The following MACROD2 variants were observed in gnomAD, a reference collection of about 807,000 sequenced individuals.
MACROD2 encodes the protein mono-ADP ribosylhydrolase 2.
In MACROD2, 36 loss-of-function variants were observed where a neutral mutation model predicts 70.4. That is an observed-to-expected ratio of 0.51 (90% CI 0.39 to 0.68). MACROD2 has a LOEUF of 0.68. Ranked by LOEUF, MACROD2 falls within the 30% of genes least tolerant of loss-of-function variation. MACROD2 has a pLI of 0.00. For missense variants in MACROD2, 496 were observed against 538.4 expected (o/e 0.92, Z 0.78); for synonymous variants, 172 against 178.8 (o/e 0.96, Z 0.30).
At chr20:14,137,242 G>C (rs2054810856) in intron 3 of MACROD2, among the ~76,000 whole-genome samples, 1 of 152,124 alleles carries the variant, frequency 6.6e-6, no homozygotes, top group Admixed American at 6.5e-5. Context: ...ATGTTTTGTA[G>C]GTTATATGTA....
intron 3 of MACROD2, among the ~76,000 whole-genome samples, chr20:14,263,726 C>A (rs1287350194): frequency 6.6e-6 from 1 of 151,846 alleles, no homozygotes; most frequent in Non-Finnish European, 1.5e-5. Flanking sequence ...TTTGGGAGGC[C>A]AAGGTGAGTG....
intron 6 of MACROD2, among the ~76,000 whole-genome samples, chr20:15,341,777 A>C (rs1194745036): frequency 6.6e-6 from 1 of 152,212 alleles, no homozygotes; most frequent in African/African-American, 2.4e-5. Flanking sequence ...AAGACTATGC[A>C]TGGTGGCTCA....
intron 4 of MACROD2, among the ~76,000 whole-genome samples, chr20:14,581,083 G>T (rs769439038): frequency 2.0e-5 from 3 of 152,102 alleles, no homozygotes; most frequent in Admixed American, 6.5e-5. Flanking sequence ...GACTCTTTTT[G>T]AAATCTAAAA....
Position 15,167,928 on chromosome 20 carries a change from G to A in MACROD2, c.419-62012G>A, listed in dbSNP as rs551366983. Among the ~76,000 whole-genome samples the A allele has an allele frequency of 6.6e-5, 10 of 152,252 alleles. No individual in the cohort carries two copies. The East Asian group carries it at 1.9e-3, about 29-fold the overall frequency. On this transcript the variant is annotated intron_variant, in intron 5 of 17. Coordinates refer to ENST00000684519, the MANE Select transcript of MACROD2 (RefSeq NM_001351661.2). ...GAGACCACAAAATCTGGAAAAATAA[G>A]CACTGGCAGAATGTATGTGGAATAT...
intron 8 of MACROD2, 66 bp downstream of exon 8, chr20:15,499,913 A>G: frequency 6.8e-7 from 1 of 1,464,714 alleles, no homozygotes. Context: ...TTCCCCCCAA[A>G]AAAGCACATA....
intron 16 of MACROD2, among the ~76,000 whole-genome samples, chr20:16,044,038 G>A (rs2067343874): frequency 6.6e-6 from 1 of 152,006 alleles, no homozygotes; most frequent in South Asian, 2.1e-4. Flanking sequence ...AAATACCCAA[G>A]ACTGGATAAT....
chr20:15,082,435 A>G (rs143653817), intron 5 of MACROD2, among the ~76,000 whole-genome samples: 8 of 152,074 alleles, frequency 5.3e-5, no homozygotes, highest in African/African-American at 1.4e-4. Context: ...TCCTAACTCA[A>G]TAACTTCTTA....
intron 2 of MACROD2, among the ~76,000 whole-genome samples, chr20:14,020,070 G>A (rs1334772186): frequency 1.3e-5 from 2 of 152,168 alleles, no homozygotes; most frequent in South Asian, 2.1e-4. Context: ...TTAAACTAGA[G>A]GTAAATTTGG....
At chr20:14,010,236 A>G (rs948445043) in intron 2 of MACROD2, among the ~76,000 whole-genome samples, 66 of 152,328 alleles carry the variant, frequency 4.3e-4, no homozygotes, top group Middle Eastern at 3.4e-3. Flanking sequence ...GAAGCTAGAG[A>G]AAAAGTGCTA....
chr20:15,561,747 T>G (rs1474040776), intron 8 of MACROD2, among the ~76,000 whole-genome samples: 1 of 152,158 alleles, frequency 6.6e-6, no homozygotes, highest in Non-Finnish European at 1.5e-5. Flanking sequence ...CAAGCTATAC[T>G]GGGGTGAAAA....
Position 14,802,012 on chromosome 20 carries a change from C to T in MACROD2, c.418+117053C>T, listed in dbSNP as rs144429814. ...ACTTCAACATAATTAATTCTAGAAA[C>T]ATCAGGAACATAGCAGAATTTAATT... On this transcript the variant is annotated intron_variant, in intron 5 of 17. Coordinates refer to ENST00000684519, the MANE Select transcript of MACROD2 (RefSeq NM_001351661.2). 2.7e-3 allele frequency among the ~76,000 whole-genome samples: 415 copies of T among 152,114 alleles called. 4 individuals carry two copies. Among genetic ancestry groups the T allele is most frequent in the African/African-American group, 8.6e-3 (355 of 41,456 alleles).
In MACROD2 at chr20:13,995,697, A is replaced by AACC; in HGVS notation, c.-67_-66insACC. On this transcript the variant is annotated 5_prime_UTR_variant, in exon 1 of 18. Transcript: ENST00000684519. The surrounding 1 kb of genome is among the most constrained non-coding windows in gnomAD (Gnocchi z 4.3). ...TGCCCCCTCCCACCCCTCCCACTCC[A>AACC]CACACACCCTGTTTGCCCGTGAGCC... 3.2e-6 allele frequency: 3 copies of AACC among 939,456 alleles called. No homozygotes were observed. Among genetic ancestry groups the AACC allele is most frequent in the Non-Finnish European group, 4.8e-6 (3 of 622,308 alleles). 58.2% of individuals were successfully genotyped at this position (939,456 alleles called of 1,614,324 possible).
At chr20:15,173,068 G>T (rs903080989) in intron 5 of MACROD2, among the ~76,000 whole-genome samples, 9 of 152,084 alleles carry the variant, frequency 5.9e-5, no homozygotes, top group African/African-American at 2.2e-4. Flanking sequence ...GTGTGTGTTT[G>T]TGTGGGTCTG....
intron 5 of MACROD2, among the ~76,000 whole-genome samples, chr20:14,971,090 C>G (rs2074686711): frequency 6.6e-6 from 1 of 152,140 alleles, no homozygotes; most frequent in Admixed American, 6.5e-5. Flanking sequence ...TACGCACATT[C>G]TCCTGTAGAC....
intron 7 of MACROD2, among the ~76,000 whole-genome samples, chr20:15,451,066 G>T (rs76310744): frequency 2.6e-5 from 4 of 152,078 alleles, no homozygotes; most frequent in African/African-American, 9.7e-5. Flanking sequence ...TCTAGGAGGG[G>T]ATAAGTAACA....
chr20:14,066,537 A>G (rs1419254342), intron 2 of MACROD2, among the ~76,000 whole-genome samples: 3 of 152,230 alleles, frequency 2.0e-5, no homozygotes, highest in Admixed American at 6.5e-5. Context: ...ACTGATTTCA[A>G]AAATTTCAAA....
At chr20:15,351,608 T>C (rs543937626) in intron 6 of MACROD2, among the ~76,000 whole-genome samples, 111 of 152,272 alleles carry the variant, frequency 7.3e-4, no homozygotes, top group African/African-American at 2.7e-3. Context: ...TAAAAAGTCA[T>C]AGCTGTGAGG....
chr20:15,744,237 A>G (rs997790908), intron 8 of MACROD2, among the ~76,000 whole-genome samples: 2 of 152,252 alleles, frequency 1.3e-5, no homozygotes, highest in Non-Finnish European at 2.9e-5. Flanking sequence ...AAAATAGCCA[A>G]GAAATGCTGA....
intron 4 of MACROD2, among the ~76,000 whole-genome samples, chr20:14,501,592 T>A (rs2084915374): frequency 6.6e-6 from 1 of 152,122 alleles, no homozygotes; most frequent in African/African-American, 2.4e-5. Context: ...GTTTTTAAAA[T>A]GAGTTTTATA....
Sources: gnomAD v4.1 joint callset for allele counts (sites outside exome capture counted in the v4.1 genomes callset) on GRCh38, gnomAD v4.1.1 for gene constraint, Gnocchi (gnomAD v3.1) non-coding constraint, MANE v1.5 for transcripts, NCBI Gene and HGNC (gene_info 2026-07-23, HGNC 2026-07-21) for gene names.